The following POLA1 variants were observed in gnomAD, a reference collection of about 807,000 sequenced individuals.
POLA1 encodes the protein DNA polymerase alpha catalytic subunit.
A neutral mutation model predicts 124.0 loss-of-function variants in POLA1; 15 were observed. The ratio of observed to expected loss-of-function variants is 0.12; its 90% confidence interval spans 0.08 to 0.19. The LOEUF (loss-of-function observed/expected upper bound fraction) is 0.19, where lower values mean the gene tolerates loss of function less well. Ranked by LOEUF, POLA1 falls within the 10% of genes least tolerant of loss-of-function variation. The pLI is 1.00. For missense variants in POLA1, 886 were observed against 1,103.4 expected (o/e 0.80, Z 2.79); for synonymous variants, 408 against 389.4 (o/e 1.05, Z -0.56).
intron 22 of POLA1, 49 bp downstream of exon 22, chrX:24,742,170 CCT>C: frequency 1.3e-6 from 1 of 755,438 alleles, no homozygotes; most frequent in Non-Finnish European, 1.9e-6. Flanking sequence ...CCCCCCCCCC[CCT>C]TTTAATACCT....
chrX:24,832,602 A>G (rs1465548054), intron 32 of POLA1, among the ~76,000 whole-genome samples: 2 of 112,416 alleles, frequency 1.8e-5, no homozygotes, highest in Non-Finnish European at 3.8e-5. Flanking sequence ...TCAATTTTTT[A>G]AAAAGATAAA....
chrX:24,770,429 G>A (rs1376445279), intron 26 of POLA1, among the ~76,000 whole-genome samples: 1 of 112,018 alleles, frequency 8.9e-6, no homozygotes, highest in Non-Finnish European at 1.9e-5. Context: ...GAGATCCATT[G>A]ATTCTTTGGT....
chrX:24,914,376 C>A (rs1348236680), intron 35 of POLA1, among the ~76,000 whole-genome samples: 1 of 110,918 alleles, frequency 9.0e-6, no homozygotes, highest in African/African-American at 3.3e-5. Context: ...ACAAGGCACA[C>A]CTAAATAAAT....
chrX:24,876,890 C>A (rs945084326), intron 34 of POLA1, among the ~76,000 whole-genome samples: 2 of 111,839 alleles, frequency 1.8e-5, no homozygotes, highest in African/African-American at 6.5e-5. Context: ...ATTTGTCATT[C>A]GTTCTTTGAC....
At chrX:24,861,244 C>T (rs763163358) in intron 34 of POLA1, among the ~76,000 whole-genome samples, 41 of 112,247 alleles carry the variant, frequency 3.7e-4, no homozygotes, top group Middle Eastern at 9.2e-3. Flanking sequence ...GCGATTCTCC[C>T]GCCTGAGCCC....
intron 35 of POLA1, among the ~76,000 whole-genome samples, chrX:24,906,820 C>G (rs1015259668): frequency 1.8e-5 from 2 of 111,159 alleles, no homozygotes; most frequent in Non-Finnish European, 3.8e-5. Context: ...AAGCAAAAAA[C>G]TTAGTGGGCT....
intron 36 of POLA1, among the ~76,000 whole-genome samples, chrX:24,976,342 C>G (rs1367220492): frequency 8.9e-6 from 1 of 112,139 alleles, no homozygotes; most frequent in Non-Finnish European, 1.9e-5. Context: ...CTGTGTCCTG[C>G]CCACCTCTGT....
intron 26 of POLA1, among the ~76,000 whole-genome samples, chrX:24,762,769 G>A (rs112577304): frequency 3.6e-5 from 4 of 109,741 alleles, no homozygotes; most frequent in South Asian, 4.0e-4. Flanking sequence ...GCAGAGTCTC[G>A]CTCTGTCGCC....
intron 36 of POLA1, among the ~76,000 whole-genome samples, chrX:24,962,802 C>G (rs187193060): frequency 1.8e-5 from 2 of 112,065 alleles, no homozygotes; most frequent in African/African-American, 6.5e-5. Flanking sequence ...CTATTCAAAA[C>G]TTTCAACATG....
chrX:24,811,183 C>T (rs959920106), intron 28 of POLA1, among the ~76,000 whole-genome samples: 5 of 109,124 alleles, frequency 4.6e-5, no homozygotes, highest in Non-Finnish European at 9.5e-5. Context: ...TGGGTTCAAG[C>T]GATCCTCCCA....
chrX:24,801,119 G>A (rs781285134), intron 26 of POLA1, among the ~76,000 whole-genome samples: 34 of 112,125 alleles, frequency 3.0e-4, no homozygotes, highest in Non-Finnish European at 5.8e-4. Context: ...TATAATTAAT[G>A]GGCCTTTGTC....
chrX:24,945,658 T>TA (rs1259078770), intron 36 of POLA1, among the ~76,000 whole-genome samples: 1 of 111,575 alleles, frequency 9.0e-6, no homozygotes, highest in African/African-American at 3.3e-5. Flanking sequence ...GCAGTGTATT[T>TA]AAAAATCTCC....
intron 36 of POLA1, among the ~76,000 whole-genome samples, chrX:24,984,016 A>T (rs1397194489): frequency 8.9e-6 from 1 of 112,477 alleles, no homozygotes; most frequent in African/African-American, 3.2e-5. Context: ...TCAGTGACTT[A>T]ATCAAGAACT....
chrX:24,948,393 C>T (rs1482191214), intron 36 of POLA1, among the ~76,000 whole-genome samples: 1 of 109,700 alleles, frequency 9.1e-6, no homozygotes, highest in Non-Finnish European at 1.9e-5. Context: ...CCAACAACTA[C>T]TAAATAAGAC....
At chrX:24,884,400 C>T (rs564095193) in intron 34 of POLA1, among the ~76,000 whole-genome samples, 20 of 111,831 alleles carry the variant, frequency 1.8e-4, no homozygotes, top group Non-Finnish European at 3.8e-4. Context: ...CCACCTGCCT[C>T]GGCCTCCCAA....
At chrX:24,927,333 T>G (rs1714238981) in intron 35 of POLA1, among the ~76,000 whole-genome samples, 1 of 111,894 alleles carries the variant, frequency 8.9e-6, no homozygotes, top group Admixed American at 9.5e-5. Context: ...ATAATCTGAT[T>G]ACAGGATTCA....
rs762523550 is a variant in POLA1 at position 24,724,322 on chromosome X, T to C, written c.1201-13T>C. The C allele has an allele frequency of 1.1e-6, 1 of 892,986 alleles. No homozygotes were observed. The highest frequency in any genetic ancestry group is 2.1e-5 in the South Asian group (1 of 47,606). 73.6% of individuals were successfully genotyped at this position (892,986 alleles called of 1,213,427 possible). A position where few individuals can be genotyped will look rare whatever the true frequency, so the allele number is the denominator to read the frequency against. ...CTTTTTTTTCCCCTCTGTCCCCTTC[T>C]CTGGGATAACAGAAAATTGATCTAA... On this transcript the variant is annotated splice_polypyrimidine_tract_variant and intron_variant, in intron 11 of 36. Transcript: ENST00000379068.
Position 24,812,708 on chromosome X carries a change from T to G in POLA1, c.3141T>G (p.Asp1047Glu), listed in dbSNP as rs1484443241. The change falls in exon 29 of 37, where the codon GAT (aspartate) becomes GAG (glutamate). Residue 1047 changes from aspartate (D) to glutamate (E), a missense_variant. Physicochemically the swap from Asp to Glu is conservative, Grantham distance 45. Coordinates refer to ENST00000379068, the MANE Select transcript of POLA1 (RefSeq NM_001330360.2). ...ACAAACTGCTTGAAATAGACATTGA[T>G]GGGGTTTTCAAGTCTCTGCTACTGC... Reference protein sequence around the residue: ...KLYKLLEIDIDGVFKSLLLLK... With the variant: ...KLYKLLEIDIEGVFKSLLLLK... 8.3e-7 allele frequency: 1 copy of G among 1,204,042 alleles called. No homozygotes were observed. Among genetic ancestry groups the G allele is most frequent in the Non-Finnish European group, 1.1e-6 (1 of 888,888 alleles).
chrX:24,787,544 G>A (rs1179307968), intron 26 of POLA1, among the ~76,000 whole-genome samples: 1 of 111,554 alleles, frequency 9.0e-6, no homozygotes, highest in Non-Finnish European at 1.9e-5. Context: ...GTTTATTTCT[G>A]GGTTCTCTAT....
Sources: gnomAD v4.1 joint callset for allele counts (sites outside exome capture counted in the v4.1 genomes callset) on GRCh38, gnomAD v4.1.1 for gene constraint, MANE v1.5 for transcripts, NCBI Gene and HGNC (gene_info 2026-07-23, HGNC 2026-07-21) for gene names.